SEC63: variants seen among roughly 807,000 people sequenced by gnomAD.
The protein encoded by SEC63 is translocation protein SEC63 homolog.
A neutral mutation model predicts 116.2 loss-of-function variants in SEC63; 56 were observed. The observed-to-expected ratio is 0.48, with a 90% confidence interval of 0.39 to 0.60. SEC63 has a LOEUF of 0.60. Ranked by LOEUF, SEC63 falls within the 20% of genes least tolerant of loss-of-function variation. The pLI, the probability that SEC63 is intolerant of heterozygous loss-of-function variation, is 0.00. For missense variants in SEC63, 668 were observed against 900.0 expected (o/e 0.74, Z 3.30); for synonymous variants, 273 against 294.6 (o/e 0.93, Z 0.75).
rs2114380940 is a variant in SEC63, at chr6:107,869,413, G to C, written c.*2291C>G. 1 of 152,158 alleles carries C rather than the reference G, an allele frequency of 6.6e-6. No homozygotes were observed. The highest frequency in any genetic ancestry group is 2.1e-4 in the South Asian group (1 of 4,818). The allele number at this position is 152,158 out of a possible 1,614,324, so 9.4% of individuals were successfully genotyped here. ...GAGAAAAATATCACATAATTTAACT[G>C]TTTCAATTTCACTTCCTATACACTG... On this transcript the variant is annotated 3_prime_UTR_variant, in exon 21 of 21. Transcript: ENST00000369002.
At chr6:107,921,087 GAA>G (rs1787545645) in intron 4 of SEC63, among the ~76,000 whole-genome samples, 2 of 151,118 alleles carry the variant, frequency 1.3e-5, no homozygotes, top group Admixed American at 1.3e-4. Context: ...ATTCTAAAAA[GAA>G]AAAGACACCA....
chr6:107,890,240 A>ATC (rs967094607), intron 16 of SEC63, among the ~76,000 whole-genome samples: 1 of 152,072 alleles, frequency 6.6e-6, no homozygotes, highest in African/African-American at 2.4e-5. Context: ...TGCTTTATGA[A>ATC]TCTGGGTACT....
chr6:107,953,519 G>A (rs1395823599), intron 1 of SEC63, among the ~76,000 whole-genome samples: 1 of 149,070 alleles, frequency 6.7e-6, no homozygotes, highest in Non-Finnish European at 1.5e-5. Flanking sequence ...CCGGGAGGGA[G>A]GTGGGGGGTC....
At chr6:107,940,192 C>A (rs77384097) in intron 1 of SEC63, among the ~76,000 whole-genome samples, 1 of 150,764 alleles carries the variant, frequency 6.6e-6, no homozygotes, top group Admixed American at 6.6e-5. Context: ...AAAAAAAAAA[C>A]AAACACTGGA....
chr6:107,949,063 C>T (rs1308251767), intron 1 of SEC63, among the ~76,000 whole-genome samples: 1 of 152,218 alleles, frequency 6.6e-6, no homozygotes, highest in African/African-American at 2.4e-5. Flanking sequence ...AGCCAATCTT[C>T]AGAGGGCAAA....
At chr6:107,949,436 G>A (rs938805961) in intron 1 of SEC63, among the ~76,000 whole-genome samples, 6 of 151,956 alleles carry the variant, frequency 3.9e-5, no homozygotes, top group African/African-American at 1.4e-4. Context: ...CCAGGAGTTT[G>A]AGACAAGCTT....
In SEC63 at chr6:107,929,083, G is replaced by C. The variant is rs79029391; in HGVS notation, c.224+332C>G. Among the ~76,000 whole-genome samples, 44 of 152,356 alleles carry C rather than the reference G, an allele frequency of 2.9e-4. No homozygotes were observed. In the East Asian group the frequency reaches 7.9e-3, roughly 27 times the overall value. On this transcript the variant is annotated intron_variant, in intron 2 of 20. Transcript: ENST00000369002. The stretch of plus-strand genomic sequence containing the variant: ...AATTATCACCATGAAATGCTAACTT[G>C]TTCATGTCACCTCTCCACTTCTGAA...
intron 1 of SEC63, among the ~76,000 whole-genome samples, chr6:107,951,612 A>T (rs528965020): frequency 1.6e-4 from 24 of 152,320 alleles, no homozygotes; most frequent in African/African-American, 4.8e-4. Flanking sequence ...AGGGATATTT[A>T]AAAAATACCA....
chr6:107,935,986 A>AT (rs1770237680), intron 1 of SEC63, among the ~76,000 whole-genome samples: 1 of 152,160 alleles, frequency 6.6e-6, no homozygotes, highest in Non-Finnish European at 1.5e-5. Context: ...ACCACTAGTG[A>AT]TTTTTAAATA....
At chr6:107,902,774 T>C in intron 12 of SEC63, 70 bp downstream of exon 12, 1 of 1,466,478 alleles carries the variant, frequency 6.8e-7, no homozygotes, top group Non-Finnish European at 9.5e-7. Context: ...TCCAGAAAAC[T>C]TTTATTCATG....
chr6:107,888,179 T>C (rs1015184095), intron 16 of SEC63, among the ~76,000 whole-genome samples: 8 of 152,346 alleles, frequency 5.3e-5, no homozygotes, highest in African/African-American at 1.4e-4. Context: ...TAAATTACTT[T>C]GGGGAGTGTG....
chr6:107,936,591 A>T (rs1770251844), intron 1 of SEC63, among the ~76,000 whole-genome samples: 1 of 152,248 alleles, frequency 6.6e-6, no homozygotes, highest in African/African-American at 2.4e-5. Context: ...AAATCCTAAG[A>T]TCATAAAACA....
At chr6:107,877,159 G>A (rs2744209) in intron 18 of SEC63, 1 of 153,472 alleles carries the variant, frequency 6.5e-6, no homozygotes, top group South Asian at 2.0e-4. Flanking sequence ...CTGAAAGCAC[G>A]AAACCTCCGT....
At chr6:107,889,005 A>G (rs932082471) in intron 16 of SEC63, among the ~76,000 whole-genome samples, 6 of 152,176 alleles carry the variant, frequency 3.9e-5, no homozygotes, top group African/African-American at 1.4e-4. Context: ...TATTTTATTG[A>G]GGATTTTTGC....
At chr6:107,948,769 T>C in intron 1 of SEC63, among the ~76,000 whole-genome samples, 1 of 152,124 alleles carries the variant, frequency 6.6e-6, no homozygotes, top group East Asian at 1.9e-4. Context: ...GAACAACTGC[T>C]TTTCTTCTCC....
At chr6:107,911,088 T>C (rs1335865735) in intron 7 of SEC63, 7 of 476,660 alleles carry the variant, frequency 1.5e-5, no homozygotes, top group African/African-American at 2.0e-5. Context: ...CCATTAAAAG[T>C]ATAGTTATAT....
At chr6:107,894,107 G>C (rs572360858) in intron 14 of SEC63, among the ~76,000 whole-genome samples, 1 of 152,180 alleles carries the variant, frequency 6.6e-6, no homozygotes, top group Non-Finnish European at 1.5e-5. Context: ...TCTTGAACAA[G>C]TTTTGAAAAG....
intron 16 of SEC63, among the ~76,000 whole-genome samples, chr6:107,887,299 G>A (rs1344120378): frequency 1.0e-4 from 15 of 144,528 alleles, no homozygotes; most frequent in Middle Eastern, 3.5e-3. Flanking sequence ...ACATGCACAC[G>A]TATGTTTATT....
At chr6:107,935,708 A>G (rs1770231295) in intron 1 of SEC63, among the ~76,000 whole-genome samples, 1 of 151,022 alleles carries the variant, frequency 6.6e-6, no homozygotes, top group South Asian at 2.1e-4. Flanking sequence ...TCACTTGTTT[A>G]TCTGCTGACC....
Sources: gnomAD v4.1 joint callset for allele counts (sites outside exome capture counted in the v4.1 genomes callset) on GRCh38, gnomAD v4.1.1 for gene constraint, MANE v1.5 for transcripts, NCBI Gene and HGNC (gene_info 2026-07-23, HGNC 2026-07-21) for gene names.